OTOGL: variants seen among roughly 807,000 people sequenced by gnomAD.
OTOGL encodes the protein otogelin-like protein.
A neutral mutation model predicts 318.5 loss-of-function variants in OTOGL; 285 were observed. The ratio of observed to expected loss-of-function variants is 0.89; its 90% CI spans 0.81 to 0.99. The LOEUF (loss-of-function observed/expected upper bound fraction) is 0.99, where lower values mean the gene tolerates loss of function less well. Ranked by LOEUF, OTOGL falls within the 50% of genes least tolerant of loss-of-function variation. The pLI, the probability that OTOGL is intolerant of heterozygous loss-of-function variation, is 0.00. For synonymous variants in OTOGL, 987 were observed against 936.5 expected (o/e 1.05, Z -0.99); for missense variants, 2,899 against 2,845.6 (o/e 1.02, Z -0.43).
Position 80,335,947 on chromosome 12 carries a change from C to T in OTOGL, c.4423-16C>T, listed in dbSNP as rs1340134058. The T allele has an allele frequency of 6.7e-7, 1 of 1,492,880 alleles. No homozygotes were observed. Among genetic ancestry groups the T allele is most frequent in the Non-Finnish European group, 8.9e-7 (1 of 1,123,594 alleles). The allele number at this position is 1,492,880 out of a possible 1,614,324, so 92.5% of individuals were successfully genotyped here. ...GCTGAGAATGAAAAAACCCACTAAT[C>T]TTTTTTTATTAACAGCCTCAGAAAT... On this transcript the variant is annotated splice_polypyrimidine_tract_variant and intron_variant, in intron 38 of 58. Transcript: ENST00000547103.
At position 80,329,507 on chromosome 12, in the gene OTOGL, A is replaced by G. The variant is rs536476919; in HGVS notation, c.4348+388A>G. On this transcript the variant is annotated intron_variant, in intron 37 of 58. Coordinates refer to ENST00000547103, the MANE Select transcript of OTOGL (RefSeq NM_001378609.3). ...CTACTTTTAGGTTTGATTAAATCCC[A>G]CTTAGATTTTCACAGTGATTAAATT... Among the ~76,000 whole-genome samples, 5 of 152,256 alleles carry G rather than the reference A, an allele frequency of 3.3e-5. No homozygotes were observed. In the East Asian group the frequency reaches 9.7e-4, roughly 29 times the overall value.
At chr12:80,185,115 T>C (rs1875193537) in intron 1 of OTOGL, among the ~76,000 whole-genome samples, 1 of 152,110 alleles carries the variant, frequency 6.6e-6, no homozygotes, top group Non-Finnish European at 1.5e-5. Context: ...TGTTAACACA[T>C]GTAAATGGCA....
At chr12:80,265,897 A>T (rs1882920395) in intron 20 of OTOGL, 1 of 152,572 alleles carries the variant, frequency 6.6e-6, no homozygotes, top group East Asian at 1.9e-4. Context: ...AAGTAATGTA[A>T]ATTCATATAC....
At chr12:80,369,882 G>A in intron 55 of OTOGL, among the ~76,000 whole-genome samples, 1 of 151,814 alleles carries the variant, frequency 6.6e-6, no homozygotes, top group Non-Finnish European at 1.5e-5. Flanking sequence ...AAGTAATGCT[G>A]ACATTAACTA....
At chr12:80,356,940 G>A in intron 49 of OTOGL, 26 bp downstream of exon 49, 1 of 1,425,078 alleles carries the variant, frequency 7.0e-7, no homozygotes, top group Non-Finnish European at 9.4e-7. Flanking sequence ...ATAATTTCTT[G>A]GAAGAAGAGA....
intron 1 of OTOGL, among the ~76,000 whole-genome samples, chr12:80,165,936 T>G (rs1395036245): frequency 6.6e-6 from 1 of 152,214 alleles, no homozygotes; most frequent in Non-Finnish European, 1.5e-5. Flanking sequence ...CTGTGTTCTG[T>G]CAGGACCCTG....
intron 1 of OTOGL, among the ~76,000 whole-genome samples, chr12:80,170,219 A>ATGTGTG (rs796199421): frequency 6.0e-5 from 7 of 116,744 alleles, no homozygotes; most frequent in East Asian, 5.1e-4. Context: ...GTGTGTATGT[A>ATGTGTG]TGTGTGTGTG....
At chr12:80,342,837 A>G (rs1347896461) in intron 44 of OTOGL, among the ~76,000 whole-genome samples, 1 of 152,156 alleles carries the variant, frequency 6.6e-6, no homozygotes, top group Non-Finnish European at 1.5e-5. Context: ...ATAGAGGTAC[A>G]CAGGATCCCA....
At chr12:80,232,801 CT>C (rs1879480994) in intron 8 of OTOGL, 90 bp from the exon 9 acceptor site, 4 of 1,091,674 alleles carry the variant, frequency 3.7e-6, no homozygotes, top group Non-Finnish European at 5.2e-6. Context: ...TAATCATTTT[CT>C]TTTAATTGTA....
intron 1 of OTOGL, among the ~76,000 whole-genome samples, chr12:80,167,662 T>C (rs1424737179): frequency 6.6e-6 from 1 of 152,126 alleles, no homozygotes; most frequent in African/African-American, 2.4e-5. Flanking sequence ...TTTTCTACCT[T>C]TTAATATTTC....
chr12:80,264,649 T>C (rs1882801699), intron 19 of OTOGL, among the ~76,000 whole-genome samples: 1 of 152,294 alleles, frequency 6.6e-6, no homozygotes, highest in South Asian at 2.1e-4. Flanking sequence ...CTTTGTTATA[T>C]GTGGATGTCT....
chr12:80,307,735 G>T (rs1178260487), intron 29 of OTOGL, among the ~76,000 whole-genome samples: 15 of 145,446 alleles, frequency 1.0e-4, no homozygotes, highest in Non-Finnish European at 1.8e-4. Flanking sequence ...CTGGCCGAGC[G>T]GGGGGCAGAC....
chr12:80,164,214 T>G (rs1343447636), intron 1 of OTOGL, among the ~76,000 whole-genome samples: 1 of 152,198 alleles, frequency 6.6e-6, no homozygotes, highest in Non-Finnish European at 1.5e-5. Context: ...AACTTCATCA[T>G]GTAGTATATT....
chr12:80,176,727 G>C (rs887182354), intron 1 of OTOGL, among the ~76,000 whole-genome samples: 35 of 152,052 alleles, frequency 2.3e-4, no homozygotes, highest in African/African-American at 8.2e-4. Flanking sequence ...TGTGTAGTTA[G>C]ATGCTTTCAT....
intron 52 of OTOGL, among the ~76,000 whole-genome samples, chr12:80,365,389 AAT>A (rs1890467482): frequency 6.6e-6 from 1 of 152,090 alleles, no homozygotes; most frequent in African/African-American, 2.4e-5. Flanking sequence ...TGCAACTTAG[AAT>A]AAAAGCATAA....
intron 1 of OTOGL, among the ~76,000 whole-genome samples, chr12:80,186,885 G>A (rs1465457105): frequency 2.0e-5 from 3 of 152,120 alleles, no homozygotes; most frequent in Non-Finnish European, 2.9e-5. Context: ...AGGAAATGAT[G>A]CTGAATGACT....
intron 1 of OTOGL, among the ~76,000 whole-genome samples, chr12:80,206,437 G>A (rs894055151): frequency 1.3e-5 from 2 of 152,318 alleles, no homozygotes; most frequent in South Asian, 4.1e-4. Flanking sequence ...GGAGCAGAGA[G>A]AAGACATACA....
At position 80,313,463 on chromosome 12, in the gene OTOGL, C is replaced by A; in HGVS notation, c.3451-13C>A. On this transcript the variant is annotated splice_polypyrimidine_tract_variant and intron_variant, in intron 30 of 58. Transcript: ENST00000547103. The stretch of plus-strand genomic sequence containing the variant: ...TCTATTGAAATTAAGTAATCTTTCA[C>A]CTCATTTTTCAGATTGACGTTACTT... 1 of 1,594,162 alleles carries A rather than the reference C, an allele frequency of 6.3e-7. No homozygotes were observed. The highest frequency in any genetic ancestry group is 8.6e-7 in the Non-Finnish European group (1 of 1,163,116).
intron 55 of OTOGL, among the ~76,000 whole-genome samples, chr12:80,369,474 T>C (rs1156839439): frequency 6.6e-6 from 1 of 152,122 alleles, no homozygotes; most frequent in Middle Eastern, 3.2e-3. Context: ...TAGCAGTTAC[T>C]GTTCATCTGA....
Sources: allele counts gnomAD v4.1 joint callset (sites outside exome capture counted in the v4.1 genomes callset), GRCh38; gene constraint gnomAD v4.1.1; transcripts MANE v1.5; gene names NCBI Gene and HGNC (gene_info 2026-07-23, HGNC 2026-07-21).